RCL1: variants seen among roughly 807,000 people sequenced by gnomAD.
RCL1 encodes RNA terminal phosphate cyclase like 1.
A neutral mutation model predicts 42.4 loss-of-function variants in RCL1; 24 were observed. The ratio of observed to expected loss-of-function variants is 0.57; its 90% CI spans 0.41 to 0.80. RCL1 has a LOEUF of 0.80. RCL1 is among the 30% of genes least tolerant of loss of function. The pLI is 0.00. For synonymous variants in RCL1, 228 were observed against 177.3 expected (o/e 1.29, Z -2.27); for missense variants, 578 against 467.9 (o/e 1.24, Z -2.17).
chr9:4,809,851 C>A (rs1004410598), intron 1 of RCL1, among the ~76,000 whole-genome samples: 1 of 151,880 alleles, frequency 6.6e-6, no homozygotes, highest in Non-Finnish European at 1.5e-5. Flanking sequence ...GAGTCTCACT[C>A]TGTCACCCAG....
At chr9:4,816,941 C>T (rs987723296) in intron 1 of RCL1, among the ~76,000 whole-genome samples, 13 of 152,146 alleles carry the variant, frequency 8.5e-5, no homozygotes, top group African/African-American at 2.4e-4. Context: ...CTCAGCCTCC[C>T]AGGTAGCTGG....
At chr9:4,827,827 C>T (rs1417758601) in intron 3 of RCL1, among the ~76,000 whole-genome samples, 3 of 151,708 alleles carry the variant, frequency 2.0e-5, no homozygotes. Context: ...GTCCAGGCCT[C>T]CCTCCCTTGT....
At chr9:4,795,523 A>T (rs1250823640) in intron 1 of RCL1, among the ~76,000 whole-genome samples, 7 of 152,232 alleles carry the variant, frequency 4.6e-5, no homozygotes, top group Admixed American at 4.6e-4. Context: ...TCCCTGACAC[A>T]TGATTTCTGG....
chr9:4,835,377 T>C (rs189310085), intron 5 of RCL1, among the ~76,000 whole-genome samples: 6 of 151,340 alleles, frequency 4.0e-5, no homozygotes, highest in Admixed American at 1.3e-4. Flanking sequence ...AGCATTGGGG[T>C]GGGGGAAAAG....
At chr9:4,802,074 A>ATTTTTTTTTTTTT (rs34756856) in intron 1 of RCL1, among the ~76,000 whole-genome samples, 37 of 95,452 alleles carry the variant, frequency 3.9e-4, no homozygotes, top group Non-Finnish European at 5.2e-4. Flanking sequence ...ACGCCTGGCT[A>ATTTTTTTTTTTTT]TTTTTTTTTT....
In RCL1 at chr9:4,860,379, A is replaced by G; in HGVS notation, c.*104A>G. ...TGGATTAATCCAGGACAGAATAGCC[A>G]CTTGCTTAATTTTCTGTGAAGAAAT... On this transcript the variant is annotated 3_prime_UTR_variant, in exon 9 of 9. Transcript: ENST00000381750. The G allele has an allele frequency of 8.4e-7, 1 of 1,188,740 alleles. No homozygotes were observed. The highest frequency in any genetic ancestry group is 1.2e-6 in the Non-Finnish European group (1 of 861,236). 73.6% of individuals were successfully genotyped at this position (1,188,740 alleles called of 1,614,324 possible).
At chr9:4,826,113 A>T (rs538161101) in intron 2 of RCL1, among the ~76,000 whole-genome samples, 17 of 152,050 alleles carry the variant, frequency 1.1e-4, no homozygotes, top group African/African-American at 3.9e-4. Flanking sequence ...AGAAAAAAAA[A>T]ATTAGCTGGT....
At chr9:4,852,075 G>T (rs1333611864) in intron 8 of RCL1, among the ~76,000 whole-genome samples, 47 of 152,040 alleles carry the variant, frequency 3.1e-4, no homozygotes, top group Non-Finnish European at 5.9e-5. Flanking sequence ...TAGAGACGGG[G>T]TTTCACCATG....
At chr9:4,822,016 G>A (rs1429093252) in intron 1 of RCL1, among the ~76,000 whole-genome samples, 1 of 152,220 alleles carries the variant, frequency 6.6e-6, no homozygotes, top group Non-Finnish European at 1.5e-5. Flanking sequence ...AGTATTAAAT[G>A]AAAGAATAGC....
chr9:4,809,468 C>T (rs1816094683), intron 1 of RCL1, among the ~76,000 whole-genome samples: 1 of 152,032 alleles, frequency 6.6e-6, no homozygotes, highest in Admixed American at 6.5e-5. Flanking sequence ...TGCCACCACA[C>T]CCGGCTAATT....
intron 8 of RCL1, among the ~76,000 whole-genome samples, 173 bp downstream of exon 8, chr9:4,849,723 G>C (rs888482890): frequency 6.6e-6 from 1 of 152,150 alleles, no homozygotes; most frequent in African/African-American, 2.4e-5. Flanking sequence ...TTACATACAA[G>C]GATTTTTGCA....
intron 5 of RCL1, among the ~76,000 whole-genome samples, chr9:4,836,354 G>A (rs983742224): frequency 6.6e-6 from 1 of 152,124 alleles, no homozygotes; most frequent in Non-Finnish European, 1.5e-5. Context: ...TCCTCACTGA[G>A]GATTGTCACA....
At chr9:4,797,724 A>G (rs562259814) in intron 1 of RCL1, among the ~76,000 whole-genome samples, 1 of 152,336 alleles carries the variant, frequency 6.6e-6, no homozygotes, top group South Asian at 2.1e-4. Context: ...ATGATTAGGA[A>G]TAGCAGCATG....
In RCL1 at chr9:4,812,550, G is replaced by A. The variant is rs80113500; in HGVS notation, c.137-10998G>A. Among the ~76,000 whole-genome samples, 246 of 152,232 alleles carry A rather than the reference G, an allele frequency of 1.6e-3. 1 individual carries two copies. The highest frequency in any genetic ancestry group is 3.7e-3 in the Admixed American group (56 of 15,282). On this transcript the variant is annotated intron_variant, in intron 1 of 8. Transcript: ENST00000381750. ...AAAGGCTGGGATTACAAAGTTTGTA[G>A]TATATTTCAAAGTCACGTAGTGTAA...
intron 8 of RCL1, chr9:4,850,497 T>TTC (rs1817702867): frequency 9.0e-6 from 2 of 222,302 alleles, no homozygotes; most frequent in South Asian, 1.1e-4. Context: ...TTTTTTCTTT[T>TTC]TTTTTTTTTT....
At chr9:4,832,003 G>T (rs751843996) in intron 3 of RCL1, among the ~76,000 whole-genome samples, 17 of 152,104 alleles carry the variant, frequency 1.1e-4, no homozygotes, top group Non-Finnish European at 2.1e-4. Context: ...TGTGGTGCCT[G>T]CCCTCCCTGC....
intron 1 of RCL1, among the ~76,000 whole-genome samples, chr9:4,803,496 T>G (rs569616307): frequency 2.1e-4 from 32 of 152,294 alleles, no homozygotes; most frequent in African/African-American, 7.2e-4. Flanking sequence ...TATCCACAAC[T>G]TCCAGTCACC....
chr9:4,796,111 G>T (rs1348385249), intron 1 of RCL1, among the ~76,000 whole-genome samples: 1 of 152,088 alleles, frequency 6.6e-6, no homozygotes, highest in Non-Finnish European at 1.5e-5. Context: ...TTTTAGAGTC[G>T]GGGGTACATG....
intron 1 of RCL1, among the ~76,000 whole-genome samples, chr9:4,801,189 T>G (rs1269230500): frequency 6.6e-6 from 1 of 152,246 alleles, no homozygotes; most frequent in Admixed American, 6.5e-5. Flanking sequence ...TTTGTTTTTT[T>G]GAGATAGGGT....
Sources: gnomAD v4.1 joint callset for allele counts (sites outside exome capture counted in the v4.1 genomes callset) on GRCh38, gnomAD v4.1.1 for gene constraint, MANE v1.5 for transcripts, NCBI Gene and HGNC (gene_info 2026-07-23, HGNC 2026-07-21) for gene names.